The following ATP8B4 variants were observed in gnomAD, a reference collection of about 807,000 sequenced individuals.
The protein encoded by ATP8B4 is probable phospholipid-transporting ATPase IM.
Under a neutral mutation model 145.6 loss-of-function variants are expected in ATP8B4, and 133 were observed. The ratio of observed to expected loss-of-function variants is 0.91; its 90% confidence interval spans 0.79 to 1.05. The LOEUF (loss-of-function observed/expected upper bound fraction) is 1.05. Ranked by LOEUF, ATP8B4 falls within the 50% of genes least tolerant of loss-of-function variation. The probability of loss-of-function intolerance (pLI) is 0.00; values close to 1 mark genes in which losing one functional copy is unlikely to be tolerated. For synonymous variants in ATP8B4, 507 were observed against 492.9 expected, an observed-to-expected ratio of 1.03 and a Z score of -0.38; for missense variants, 1,458 against 1,425.2, an observed-to-expected ratio of 1.02 and a Z score of -0.37.
chr15:49,861,039 C>A (rs963608114), intron 27 of ATP8B4, among the ~76,000 whole-genome samples: 21 of 91,218 alleles, frequency 2.3e-4, no homozygotes, highest in African/African-American at 7.2e-4. Context: ...CTTTCATTCC[C>A]CTGTAAAGCT....
chr15:49,950,625 AAAC>A (rs1567059944), intron 14 of ATP8B4, among the ~76,000 whole-genome samples: 1 of 138,364 alleles, frequency 7.2e-6, no homozygotes, highest in Non-Finnish European at 1.7e-5. Flanking sequence ...CAAACAAAAA[AAAC>A]AACAACAACA....
At position 50,036,364 on chromosome 15, in the gene ATP8B4, C is replaced by T. The variant is rs574425023; in HGVS notation, c.362+2404G>A. ...AGAGCTGCTGTTTGACGCTCGTGCGCCAGTTGGTCACTGGGTCCAATATCC... is the reference window on the plus strand; with the variant it reads ...AGAGCTGCTGTTTGACGCTCGTGCGTCAGTTGGTCACTGGGTCCAATATCC... On this transcript the variant is annotated intron_variant, in intron 6 of 27. Coordinates refer to ENST00000284509, the MANE Select transcript of ATP8B4 (RefSeq NM_024837.4). Among the ~76,000 whole-genome samples, 12 of 152,272 alleles carry T rather than the reference C, an allele frequency of 7.9e-5. No individual in the cohort carries two copies. In the East Asian group the frequency reaches 2.3e-3, roughly 29 times the overall value.
Position 49,931,294 on chromosome 15 carries a change from G to A in ATP8B4, c.1467C>T (p.Tyr489=), listed in dbSNP as rs200981168. 2 of 1,611,914 alleles carry A rather than the reference G, an allele frequency of 1.2e-6. No individual in the cohort carries two copies. The highest frequency in any genetic ancestry group is 2.2e-5 in the East Asian group (1 of 44,828). The part of the protein sequence containing the change: ...SEENSAGELI[Y]QVQSPDEGAL... ...CCCCTTCATCAGGTGACTGAACTTGGTAAATCAGCTCTCCTAAAAGGTAAA... is the reference window on the plus strand; with the variant it reads ...CCCCTTCATCAGGTGACTGAACTTGATAAATCAGCTCTCCTAAAAGGTAAA... Residue 489 remains tyrosine (Y), a synonymous_variant, in exon 16 of 28, where the codon TAC becomes TAT. Coordinates refer to ENST00000284509, the MANE Select transcript of ATP8B4 (RefSeq NM_024837.4).
intron 6 of ATP8B4, among the ~76,000 whole-genome samples, chr15:50,030,706 G>C (rs1023357001): frequency 5.9e-5 from 9 of 152,094 alleles, no homozygotes; most frequent in Non-Finnish European, 1.2e-4. Flanking sequence ...GGAGCTTTAA[G>C]AAGAGAAAAA....
chr15:49,937,562 C>G (rs2041836915), intron 14 of ATP8B4, among the ~76,000 whole-genome samples: 1 of 152,058 alleles, frequency 6.6e-6, no homozygotes, highest in Admixed American at 6.6e-5. Context: ...CCAGTACGTA[C>G]CAAGCACTTT....
chr15:50,126,908 C>A (rs1325202445), intron 1 of ATP8B4, among the ~76,000 whole-genome samples: 1 of 152,142 alleles, frequency 6.6e-6, no homozygotes, highest in African/African-American at 2.4e-5. Context: ...ACTGGCACAA[C>A]AGACCTTGGG....
At chr15:50,114,103 C>CTTTCTTTTTTTTTTTTT (rs1555494034) in intron 1 of ATP8B4, among the ~76,000 whole-genome samples, 3 of 55,646 alleles carry the variant, frequency 5.4e-5, no homozygotes, top group Admixed American at 3.4e-4. Context: ...CTCCTAGTTT[C>CTTTCTTTTTTTTTTTTT]TTTTTTTTTT....
chr15:49,978,906 C>T (rs1443212776), intron 12 of ATP8B4, among the ~76,000 whole-genome samples: 2 of 151,852 alleles, frequency 1.3e-5, no homozygotes, highest in Non-Finnish European at 2.9e-5. Context: ...ATTTATGGGA[C>T]CGAATCTAAT....
chr15:50,133,133 A>T (rs1056462594), intron 1 of ATP8B4, among the ~76,000 whole-genome samples: 2 of 152,220 alleles, frequency 1.3e-5, no homozygotes, highest in South Asian at 2.1e-4. Context: ...GAAGTTTTGT[A>T]CATACAATGG....
chr15:50,073,863 A>G (rs887018648), intron 3 of ATP8B4, among the ~76,000 whole-genome samples: 18 of 152,216 alleles, frequency 1.2e-4, no homozygotes, highest in African/African-American at 4.1e-4. Context: ...GGGTACCAAA[A>G]TGAGCTAAAC....
chr15:50,008,964 G>A (rs2048518874), intron 7 of ATP8B4, among the ~76,000 whole-genome samples: 1 of 152,176 alleles, frequency 6.6e-6, no homozygotes, highest in Non-Finnish European at 1.5e-5. Context: ...GCATATATCA[G>A]TTTATGCTAA....
intron 24 of ATP8B4, among the ~76,000 whole-genome samples, chr15:49,878,576 G>A (rs1455714916): frequency 1.3e-5 from 2 of 152,114 alleles, no homozygotes; most frequent in Non-Finnish European, 2.9e-5. Flanking sequence ...ATTGTGCCAC[G>A]GAAATTCCAC....
chr15:50,016,905 A>G (rs1384270585), intron 6 of ATP8B4, among the ~76,000 whole-genome samples: 1 of 152,170 alleles, frequency 6.6e-6, no homozygotes, highest in East Asian at 1.9e-4. Context: ...TCATGTATTT[A>G]TAACATTCCC....
Position 50,137,370 on chromosome 15 carries a change from G to GTCTGATAACCA in ATP8B4, c.-42-30363_-42-30362insTGGTTATCAGA, listed in dbSNP as rs769302306. On this transcript the variant is annotated intron_variant, in intron 1 of 3. Coordinates refer to the ATP8B4 transcript ENST00000558829. Reference sequence around the variant, plus strand: ...GGCACATTCTGGAAGGCTCTTCAGAGGGTTAGCAGGTTATCAGACATCTTT... The same window carrying GTCTGATAACCA: ...GGCACATTCTGGAAGGCTCTTCAGAGTCTGATAACCAGGTTAGCAGGTTATCAGACATCTTT... Among the ~76,000 whole-genome samples, 259 of 152,214 alleles carry GTCTGATAACCA rather than the reference G, an allele frequency of 1.7e-3. 2 individuals carry two copies. Among genetic ancestry groups the GTCTGATAACCA allele is most frequent in the Non-Finnish European group, 2.1e-3 (143 of 68,036 alleles).
chr15:49,890,062 G>A (rs1421134718), intron 23 of ATP8B4, among the ~76,000 whole-genome samples: 1 of 152,194 alleles, frequency 6.6e-6, no homozygotes, highest in Non-Finnish European at 1.5e-5. Flanking sequence ...CATTTGTTAT[G>A]CATTTATGAA....
intron 1 of ATP8B4, among the ~76,000 whole-genome samples, chr15:50,171,873 A>G (rs1483860314): frequency 6.6e-6 from 1 of 152,210 alleles, no homozygotes; most frequent in Admixed American, 6.5e-5. Context: ...ACTAAGAAGC[A>G]AAACAGGAGA....
chr15:50,101,891 C>T (rs979044398), intron 2 of ATP8B4, among the ~76,000 whole-genome samples: 3 of 152,068 alleles, frequency 2.0e-5, no homozygotes, highest in African/African-American at 7.2e-5. Context: ...ATAGCAAGTA[C>T]TCTCTTAAAC....
chr15:50,138,253 G>T (rs1468549142), intron 1 of ATP8B4, among the ~76,000 whole-genome samples: 1 of 152,064 alleles, frequency 6.6e-6, no homozygotes, highest in South Asian at 2.1e-4. Flanking sequence ...GTGTGTCAAA[G>T]GTGTGTGTAC....
chr15:50,146,514 C>T (rs950530855), intron 1 of ATP8B4, among the ~76,000 whole-genome samples: 1 of 152,148 alleles, frequency 6.6e-6, no homozygotes, highest in Non-Finnish European at 1.5e-5. Context: ...ATTAAGAAAG[C>T]CTTGAACTTT....
Sources: allele counts gnomAD v4.1 joint callset (sites outside exome capture counted in the v4.1 genomes callset), GRCh38; gene constraint gnomAD v4.1.1; transcripts MANE v1.5; gene names NCBI Gene and HGNC (gene_info 2026-07-23, HGNC 2026-07-21).